SETX: variants seen among roughly 807,000 people sequenced by gnomAD.
SETX encodes helicase senataxin.
Under a neutral mutation model 227.2 loss-of-function variants are expected in SETX, and 90 were observed. The observed-to-expected ratio is 0.40, with a 90% CI of 0.33 to 0.47. SETX has a LOEUF of 0.47. Ranked by LOEUF, SETX falls within the 20% of genes least tolerant of loss-of-function variation. The pLI, the probability that SETX is intolerant of heterozygous loss-of-function variation, is 0.91. For missense variants in SETX, 3,052 were observed against 3,181.5 expected (o/e 0.96, Z 0.98); for synonymous variants, 1,210 against 1,113.2 (o/e 1.09, Z -1.73).
chr9:132,312,266 T>C (rs1349487303), intron 10 of SETX, among the ~76,000 whole-genome samples: 2 of 152,144 alleles, frequency 1.3e-5, no homozygotes, highest in African/African-American at 4.8e-5. Context: ...CCTAGATTTG[T>C]GGCAGACCTT....
At chr9:132,317,576 T>A (rs892245256) in intron 10 of SETX, among the ~76,000 whole-genome samples, 1 of 152,184 alleles carries the variant, frequency 6.6e-6, no homozygotes, top group Non-Finnish European at 1.5e-5. Context: ...AAATGTTGAT[T>A]GTAAAAGTGC....
chr9:132,265,235 T>G (rs1326898600), intron 25 of SETX, among the ~76,000 whole-genome samples: 1 of 147,298 alleles, frequency 6.8e-6, no homozygotes, highest in Non-Finnish European at 1.5e-5. Context: ...TTTTTTTTTT[T>G]TTTTTTTTTG....
intron 20 of SETX, among the ~76,000 whole-genome samples, chr9:132,279,664 G>A (rs1843383432): frequency 6.6e-6 from 1 of 152,110 alleles, no homozygotes; most frequent in Non-Finnish European, 1.5e-5. Flanking sequence ...ATAGATACAT[G>A]CCAATTTTCC....
At chr9:132,303,394 T>C (rs1208425681) in intron 11 of SETX, among the ~76,000 whole-genome samples, 7 of 133,086 alleles carry the variant, frequency 5.3e-5, no homozygotes, top group East Asian at 4.5e-4. Flanking sequence ...AAAAATAAAA[T>C]TGAAATGGTC....
rs117561244 is a variant in SETX at position 132,352,797 on chromosome 9, G to A, written c.-8+852C>T. ...AAAGTAAACATGACCAGAACCCAAC[G>A]AAGTCCTTCCCTTAAATCTGTTATT... On this transcript the variant is annotated intron_variant, in intron 2 of 25. Transcript: ENST00000224140. Among the ~76,000 whole-genome samples, 418 of 152,222 alleles carry A rather than the reference G, an allele frequency of 2.7e-3. 3 individuals carry two copies. The highest frequency in any genetic ancestry group is 0.014 in the Middle Eastern group (4 of 292).
In SETX at chr9:132,261,492, C is replaced by T; in HGVS notation, c.*2747G>A. 1 of 152,288 alleles carries T rather than the reference C, an allele frequency of 6.6e-6. No individual in the cohort carries two copies. Among genetic ancestry groups the T allele is most frequent in the East Asian group, 1.9e-4 (1 of 5,202 alleles). 9.4% of individuals were successfully genotyped at this position (152,288 alleles called of 1,614,324 possible). On this transcript the variant is annotated 3_prime_UTR_variant, in exon 26 of 26. Coordinates refer to ENST00000224140, the MANE Select transcript of SETX (RefSeq NM_015046.7). ...ATAATACATAACCTCTAATCCATGT[C>T]CATCTTCTTGTTTCTGCTTTTAATT...
At chr9:132,318,548 G>A (rs1323378957) in intron 10 of SETX, among the ~76,000 whole-genome samples, 2 of 152,088 alleles carry the variant, frequency 1.3e-5, no homozygotes, top group Admixed American at 6.5e-5. Flanking sequence ...ACAACTCTGG[G>A]AGTAAGCATT....
chr9:132,345,518 C>G (rs1848236606), intron 4 of SETX, among the ~76,000 whole-genome samples: 2 of 152,196 alleles, frequency 1.3e-5, no homozygotes, highest in Admixed American at 6.5e-5. Flanking sequence ...AGGTGCTCTG[C>G]CTGCCTCAGC....
At chr9:132,349,625 C>T (rs530929325) in intron 2 of SETX, among the ~76,000 whole-genome samples, 190 bp from the exon 3 acceptor site, 3 of 151,890 alleles carry the variant, frequency 2.0e-5, no homozygotes, top group Non-Finnish European at 4.4e-5. Flanking sequence ...TTTTGACATA[C>T]GAAAAATACA....
chr9:132,263,993 G>C lies in SETX; in HGVS notation c.*246C>G. On this transcript the variant is annotated 3_prime_UTR_variant, in exon 26 of 26. Coordinates refer to ENST00000224140, the MANE Select transcript of SETX (RefSeq NM_015046.7). The stretch of plus-strand genomic sequence containing the variant: ...CCTCCTTGTCTATAGAAGACTAAGA[G>C]ATCAACATTTCCAGTCTCTGACTTC... 1 of 566,246 alleles carries C rather than the reference G, an allele frequency of 1.8e-6. No individual in the cohort carries two copies. The allele number at this position is 566,246 out of a possible 1,614,324, so 35.1% of individuals were successfully genotyped here. A position where few individuals can be genotyped will look rare whatever the true frequency, so the allele number is the denominator to read the frequency against.
In SETX at chr9:132,328,735, C is replaced by T; in HGVS notation, c.2863G>A (p.Asp955Asn). Residue 955 changes from aspartate to asparagine, a missense_variant, in exon 10 of 26, where the codon GAT (aspartate) becomes AAT (asparagine). Asp to Asn is a conservative substitution (Grantham distance 23, BLOSUM62 1). Around this residue, in one of 10 missense-constraint regions of SETX, gnomAD observed 1,483 missense variants for 1,312.0 expected, o/e 1.13. Coordinates refer to ENST00000224140, the MANE Select transcript of SETX (RefSeq NM_015046.7). The stretch of plus-strand genomic sequence containing the variant: ...TGAAGGTCTCTGTCTATCTGAGAAT[C>T]CGTTAAGGTGTCAGATTTAGGACTG... ...DISPKSDTLT[D>N]SQIDRDLHKL... 1 of 1,613,388 alleles carries T rather than the reference C, an allele frequency of 6.2e-7. No homozygotes were observed. Among genetic ancestry groups the T allele is most frequent in the Non-Finnish European group, 8.5e-7 (1 of 1,179,706 alleles).
At position 132,327,831 on chromosome 9, in the gene SETX, C is replaced by A; in HGVS notation, c.3767G>T (p.Ser1256Ile). The A allele has an allele frequency of 1.2e-6, 2 of 1,614,118 alleles. No homozygotes were observed. Among genetic ancestry groups the A allele is most frequent in the Non-Finnish European group, 1.7e-6 (2 of 1,180,016 alleles). The change falls in exon 10 of 26, where the codon AGT (serine) becomes ATT (isoleucine). Residue 1256 changes from serine (S) to isoleucine (I), a missense_variant. Ser to Ile is a moderately radical substitution (Grantham distance 142, BLOSUM62 -2). Coordinates refer to ENST00000224140, the MANE Select transcript of SETX (RefSeq NM_015046.7). ...TGTTCTACAACTTAGGTAATTTGAA[C>A]TTCTATTCTGTCCTTTTTTGGCATC... is the stretch of plus-strand genomic sequence containing the variant. The part of the protein sequence containing the change: ...HSDAKKGQNR[S>I]SNYLSCRTTP...
chr9:132,335,350 G>A (rs144639444), intron 6 of SETX, among the ~76,000 whole-genome samples: 3 of 133,282 alleles, frequency 2.3e-5, no homozygotes, highest in African/African-American at 9.0e-5. Flanking sequence ...GAGATCGCGC[G>A]ACTGCACTCC....
chr9:132,283,099 C>A, intron 19 of SETX, 165 bp downstream of exon 19: 2 of 846,874 alleles, frequency 2.4e-6, no homozygotes, highest in Non-Finnish European at 3.7e-6. Context: ...TATGGAGGGT[C>A]ATTAAGGAGT....
chr9:132,340,196 T>A (rs1419042074), intron 5 of SETX, among the ~76,000 whole-genome samples: 4 of 152,056 alleles, frequency 2.6e-5, no homozygotes, highest in Admixed American at 2.6e-4. Flanking sequence ...GTTCTCACAT[T>A]TTCTTTCTTT....
chr9:132,317,841 G>A lies in SETX; in HGVS notation c.5275-5985C>T, dbSNP rs183103667. On this transcript the variant is annotated intron_variant, in intron 10 of 25. Transcript: ENST00000224140. ...AGGTAACATTGTTCCTGGAACTTATGATTTTAAATACATTCTAAAGGTCTC... is the reference window on the plus strand; with the variant it reads ...AGGTAACATTGTTCCTGGAACTTATAATTTTAAATACATTCTAAAGGTCTC... 5.2e-3 allele frequency among the ~76,000 whole-genome samples: 796 copies of A among 151,802 alleles called. 4 individuals carry two copies. The highest frequency in any genetic ancestry group is 9.4e-3 in the Non-Finnish European group (642 of 67,940).
intron 2 of SETX, among the ~76,000 whole-genome samples, chr9:132,349,681 T>G (rs549027886): frequency 1.6e-4 from 25 of 152,280 alleles, no homozygotes; most frequent in African/African-American, 5.8e-4. Flanking sequence ...TAAGGCAACA[T>G]AAAGTTGTGC....
chr9:132,294,373 T>C (rs1330311875), intron 15 of SETX, among the ~76,000 whole-genome samples: 1 of 152,218 alleles, frequency 6.6e-6, no homozygotes, highest in Non-Finnish European at 1.5e-5. Flanking sequence ...GAAACTAAAT[T>C]ATCAATGAAT....
chr9:132,344,497 C>T (rs1469914820), intron 4 of SETX, among the ~76,000 whole-genome samples: 1 of 152,178 alleles, frequency 6.6e-6, no homozygotes, highest in Non-Finnish European at 1.5e-5. Context: ...TGTGTGGTCC[C>T]TGACTAGATT....
Sources: gnomAD v4.1 joint callset for allele counts (sites outside exome capture counted in the v4.1 genomes callset) on GRCh38, gnomAD v4.1.1 for gene constraint, gnomAD v4.1.1 regional missense constraint, MANE v1.5 for transcripts, NCBI Gene and HGNC (gene_info 2026-07-23, HGNC 2026-07-21) for gene names.